The following CHRDL1 variants were observed in gnomAD, a reference collection of about 807,000 sequenced individuals.
CHRDL1 encodes chordin-like protein 1.
In CHRDL1, 19 loss-of-function variants were observed where a neutral mutation model predicts 40.9. The observed-to-expected ratio is 0.46, with a 90% CI of 0.32 to 0.68. The LOEUF is 0.68. CHRDL1 is among the 30% of genes least tolerant of loss of function. CHRDL1 has a pLI of 0.03. For missense variants in CHRDL1, 329 were observed against 352.1 expected (o/e 0.93, Z 0.53); for synonymous variants, 136 against 123.4 (o/e 1.10, Z -0.68).
In CHRDL1 at chrX:110,767,120, G is replaced by C. The variant is rs150203743; in HGVS notation, c.95-4313C>G. Among the ~76,000 whole-genome samples, 732 of 111,881 alleles carry C rather than the reference G, an allele frequency of 6.5e-3. 10 individuals carry two copies. Among genetic ancestry groups the C allele is most frequent in the African/African-American group, 0.023 (714 of 30,830 alleles). Reference sequence around the variant, plus strand: ...GATCATCTCAATAGATGCAGAAAAAGCACTCGATAAAATCCAGTATCCCTT... The same window carrying C: ...GATCATCTCAATAGATGCAGAAAAACCACTCGATAAAATCCAGTATCCCTT... On this transcript the variant is annotated intron_variant, in intron 2 of 11. Transcript: ENST00000372042.
At chrX:110,694,366 C>T in intron 7 of CHRDL1, 35 bp from the exon 8 acceptor site, 2 of 1,084,111 alleles carry the variant, frequency 1.8e-6, no homozygotes, top group Non-Finnish European at 2.5e-6. Context: ...AGTCCAAAAG[C>T]CACCAATGAG....
At chrX:110,689,843 CTATATATCTATA>C in intron 8 of CHRDL1, among the ~76,000 whole-genome samples, 1 of 18,392 alleles carries the variant, frequency 5.4e-5, no homozygotes, top group South Asian at 1.5e-3. Context: ...CTATATATAT[CTATATATCTATA>C]TATATCTATA....
intron 2 of CHRDL1, among the ~76,000 whole-genome samples, chrX:110,767,523 C>A (rs1347755880): frequency 9.1e-6 from 1 of 109,883 alleles, no homozygotes; most frequent in Admixed American, 9.8e-5. Flanking sequence ...GTACACAAAT[C>A]AGTAGCTCTT....
intron 6 of CHRDL1, among the ~76,000 whole-genome samples, chrX:110,718,190 A>C (rs1330001005): frequency 8.9e-6 from 1 of 111,759 alleles, no homozygotes; most frequent in Non-Finnish European, 1.9e-5. Flanking sequence ...ATTAGAACCA[A>C]GGCAGTTTGG....
At chrX:110,737,238 G>A (rs2071279678) in intron 4 of CHRDL1, among the ~76,000 whole-genome samples, 2 of 112,244 alleles carry the variant, frequency 1.8e-5, no homozygotes, top group Non-Finnish European at 3.8e-5. Context: ...GAAAGAGAGA[G>A]CAGGGAGACT....
chrX:110,735,335 T>G (rs900881573), intron 4 of CHRDL1, among the ~76,000 whole-genome samples: 1 of 112,410 alleles, frequency 8.9e-6, no homozygotes, highest in Non-Finnish European at 1.9e-5. Context: ...ACCTGTTTAA[T>G]GATAACTCAG....
chrX:110,683,778 T>G (rs1425506426), intron 9 of CHRDL1, among the ~76,000 whole-genome samples: 3 of 111,499 alleles, frequency 2.7e-5, no homozygotes, highest in East Asian at 5.6e-4. Flanking sequence ...GCACAGGGGA[T>G]AGAGGCCTTG....
At chrX:110,749,198 A>T (rs767697867) in intron 4 of CHRDL1, among the ~76,000 whole-genome samples, 7 of 111,600 alleles carry the variant, frequency 6.3e-5, no homozygotes, top group Non-Finnish European at 1.1e-4. Flanking sequence ...TTGGCCTTAG[A>T]TCCCTGAGGG....
intron 4 of CHRDL1, among the ~76,000 whole-genome samples, chrX:110,752,919 A>T (rs1447877097): frequency 8.9e-6 from 1 of 111,742 alleles, no homozygotes; most frequent in African/African-American, 3.2e-5. Context: ...GCAAATCAGC[A>T]GCAACCATGA....
intron 2 of CHRDL1, among the ~76,000 whole-genome samples, chrX:110,772,957 C>A (rs2089783215): frequency 1.8e-5 from 2 of 112,380 alleles, no homozygotes; most frequent in African/African-American, 6.5e-5. Flanking sequence ...TCTAAAAGAA[C>A]AAACAGGAGA....
chrX:110,703,995 G>A (rs888791190), intron 6 of CHRDL1, among the ~76,000 whole-genome samples: 2 of 111,238 alleles, frequency 1.8e-5, no homozygotes, highest in African/African-American at 6.6e-5. Context: ...GAAGGAGGGA[G>A]GGAGAATGAC....
chrX:110,752,361 C>T (rs1465150490), intron 4 of CHRDL1, among the ~76,000 whole-genome samples: 1 of 112,398 alleles, frequency 8.9e-6, no homozygotes, highest in African/African-American at 3.2e-5. Flanking sequence ...AGCCAGTGCA[C>T]CCAGCAAATG....
chrX:110,724,190 AAAC>A (rs751692042), intron 4 of CHRDL1, among the ~76,000 whole-genome samples: 13 of 112,738 alleles, frequency 1.2e-4, no homozygotes, highest in Non-Finnish European at 2.1e-4. Context: ...AATACCAAAC[AAAC>A]AACAACAACA....
Position 110,776,055 on chromosome X carries a change from C to T in CHRDL1, c.95-13248G>A, listed in dbSNP as rs554399688. Among the ~76,000 whole-genome samples, 19 of 112,055 alleles carry T rather than the reference C, an allele frequency of 1.7e-4. No homozygotes were observed. In the South Asian group the frequency reaches 6.6e-3, roughly 39 times the overall value. On this transcript the variant is annotated intron_variant, in intron 2 of 11. Transcript: ENST00000372042. ...TCCATTCCTTATTACACCTGTTACT[C>T]ATTCCACTTTCCCATAAGCTACAGA...
chrX:110,783,536 A>C (rs767969441), intron 2 of CHRDL1, among the ~76,000 whole-genome samples: 1 of 112,296 alleles, frequency 8.9e-6, no homozygotes, highest in African/African-American at 3.2e-5. Flanking sequence ...TATGCAGTAT[A>C]ATCAATAACA....
At chrX:110,758,151 AGCTCTCCAGAGT>A (rs1315888634) in intron 4 of CHRDL1, among the ~76,000 whole-genome samples, 3 of 109,509 alleles carry the variant, frequency 2.7e-5, no homozygotes, top group Non-Finnish European at 5.7e-5. Context: ...AAAACAAAGA[AGCTCTCCAGAGT>A]GGCAACTTTA....
intron 6 of CHRDL1, among the ~76,000 whole-genome samples, 179 bp downstream of exon 6, chrX:110,719,656 G>A (rs1243888089): frequency 2.9e-5 from 3 of 104,622 alleles, no homozygotes; most frequent in Non-Finnish European, 5.9e-5. Flanking sequence ...TTTAAAGGCT[G>A]TGGCCTTTAA....
rs1478676925 is a variant in CHRDL1, at chrX:110,674,995, T to G, written c.*1236A>C. On this transcript the variant is annotated 3_prime_UTR_variant, in exon 12 of 12. Transcript: ENST00000372042. Reference sequence around the variant, plus strand: ...ATCTGCTTGATGAATAAGACAAGGATAGTAGGAAGGTTTAGGATAAAGATC... The same window carrying G: ...ATCTGCTTGATGAATAAGACAAGGAGAGTAGGAAGGTTTAGGATAAAGATC... 8.9e-6 allele frequency: 1 copy of G among 112,062 alleles called. No individual in the cohort carries two copies. Among genetic ancestry groups the G allele is most frequent in the Non-Finnish European group, 1.9e-5 (1 of 53,202 alleles). 9.2% of individuals were successfully genotyped at this position (112,062 alleles called of 1,213,427 possible). A position where few individuals can be genotyped will look rare whatever the true frequency, so the allele number is the denominator to read the frequency against.
chrX:110,700,777 T>G, intron 6 of CHRDL1, 56 bp from the exon 7 acceptor site: 1 of 827,426 alleles, frequency 1.2e-6, no homozygotes, highest in Non-Finnish European at 1.8e-6. Flanking sequence ...GGGAAAGTTA[T>G]CACCCTTGTG....
Sources: allele counts gnomAD v4.1 joint callset (sites outside exome capture counted in the v4.1 genomes callset), GRCh38; gene constraint gnomAD v4.1.1; transcripts MANE v1.5; gene names NCBI Gene and HGNC (gene_info 2026-07-23, HGNC 2026-07-21).